ZNF14: variants seen among roughly 807,000 people sequenced by gnomAD.
ZNF14 encodes gonadotropin inducible transcription repressor-4.
A neutral mutation model predicts 11.3 loss-of-function variants in ZNF14; 9 were observed. The ratio of observed to expected loss-of-function variants is 0.80; its 90% CI spans 0.48 to 1.39. ZNF14 has a LOEUF of 1.39. Among genes scored for constraint, ZNF14 ranks in the 40% most tolerant of loss-of-function variants. The pLI is 0.00. For synonymous variants in ZNF14, 239 were observed against 245.7 expected (o/e 0.97, Z 0.25); for missense variants, 711 against 763.9 (o/e 0.93, Z 0.82).
In ZNF14 at chr19:19,712,543, A is replaced by T. The variant is rs2062364672; in HGVS notation, c.738T>A (p.Thr246=). ...GCTTACATTCATAGGGTTTCTCTCC[A>T]GTGTGAGTCCTTTTGTGTCTTTGAA... ...QSFQRHKRTH[T]GEKPYECKQC... Residue 246 remains threonine, a synonymous_variant, in exon 4 of 4, where the codon ACT becomes ACA. Transcript: ENST00000344099. 1 of 1,613,350 alleles carries T rather than the reference A, an allele frequency of 6.2e-7. No homozygotes were observed. Among genetic ancestry groups the T allele is most frequent in the African/African-American group, 1.3e-5 (1 of 74,876 alleles).
At chr19:19,715,727 T>C (rs1462220199) in intron 1 of ZNF14, among the ~76,000 whole-genome samples, 2 of 152,210 alleles carry the variant, frequency 1.3e-5, no homozygotes, top group East Asian at 3.9e-4. Flanking sequence ...TACAGAAAAA[T>C]AGGCAGTCAA....
At chr19:19,732,890 C>A in intron 1 of ZNF14, 66 bp downstream of exon 1, 1 of 1,599,444 alleles carries the variant, frequency 6.3e-7, no homozygotes, top group Non-Finnish European at 8.5e-7. Flanking sequence ...CAAGGAGGTC[C>A]CCGGCCTCGG....
intron 1 of ZNF14, among the ~76,000 whole-genome samples, chr19:19,725,230 C>T (rs894705237): frequency 7.5e-6 from 1 of 133,852 alleles, no homozygotes; most frequent in Non-Finnish European, 1.7e-5. Context: ...TTGTTCCCTT[C>T]CATGTTTAGT....
In ZNF14 at chr19:19,733,072, A is replaced by G; in HGVS notation, c.-114T>C. On this transcript the variant is annotated 5_prime_UTR_variant, in exon 1 of 4. Coordinates refer to ENST00000344099, the MANE Select transcript of ZNF14 (RefSeq NM_021030.3). The stretch of plus-strand genomic sequence containing the variant: ...CCTTCGGCCTTCAGGAGCAGGTGAA[A>G]CGCAATCTTCCCATGGGCCAGGAAT... The G allele has an allele frequency of 7.3e-7, 1 of 1,374,570 alleles. No homozygotes were observed. 85.1% of individuals were successfully genotyped at this position (1,374,570 alleles called of 1,614,324 possible).
rs61751038 is a variant in ZNF14 at position 19,712,444 on chromosome 19, G to A, written c.837C>T (p.Tyr279=). 2,535 of 1,558,706 alleles carry A rather than the reference G, an allele frequency of 1.6e-3. 29 individuals carry two copies. In the African/African-American group the frequency reaches 0.028, roughly 17 times the overall value. ...HERTHTGEKP[Y]KCKECGKAFS... ...AGGCTTTACCACATTCTTTACATTT[G>A]TAGGGTTTTTCTCCAGTGTGAGTTC... Residue 279 remains tyrosine (Y), a synonymous_variant, in exon 4 of 4, where the codon TAC becomes TAT. Transcript: ENST00000344099.
chr19:19,723,466 C>T (rs932834062), intron 1 of ZNF14, among the ~76,000 whole-genome samples: 16 of 152,284 alleles, frequency 1.1e-4, no homozygotes, highest in African/African-American at 3.9e-4. Flanking sequence ...TTTTGATGTG[C>T]TGCTGGATTC....
Position 19,712,742 on chromosome 19 carries a change from T to C in ZNF14, c.539A>G (p.Tyr180Cys), listed in dbSNP as rs2062365660. 4 of 1,612,406 alleles carry C rather than the reference T, an allele frequency of 2.5e-6. No homozygotes were observed. Among genetic ancestry groups the C allele is most frequent in the Admixed American group, 1.7e-5 (1 of 59,718 alleles). Residue 180 changes from tyrosine (Y) to cysteine (C), a missense_variant, in exon 4 of 4, where the codon TAT (tyrosine) becomes TGT (cysteine). Tyr to Cys is a radical substitution (Grantham distance 194, BLOSUM62 -2). Transcript: ENST00000344099. ...ECKQCGKAFI[Y>C]YQPFQRHERT... is the part of the protein sequence containing the mutation. ...TTCATGTCTTTGAAATGGCTGGTAA[T>C]ATATAAAGGCTTTCCCACACTGTTT...
Position 19,713,060 on chromosome 19 carries a change from C to G in ZNF14, c.221G>C (p.Ser74Thr), listed in dbSNP as rs943353555. The G allele has an allele frequency of 3.1e-6, 5 of 1,607,336 alleles. No homozygotes were observed. The highest frequency in any genetic ancestry group is 4.2e-6 in the Non-Finnish European group (5 of 1,176,478). The change falls in exon 4 of 4, where the codon AGT (serine) becomes ACT (threonine). Residue 74 changes from serine to threonine, a missense_variant. Transcript: ENST00000344099. ...TTCTCCACATTTGCTACCTCTTCTA[C>G]TTTCACAGAGTCTCTCAACCATATG... The part of the protein sequence containing the change: ...RCHMVERLCE[S>T]RRGSKCGETT...
chr19:19,722,748 T>C (rs1440590622), intron 1 of ZNF14, among the ~76,000 whole-genome samples: 6 of 152,226 alleles, frequency 3.9e-5, no homozygotes, highest in Non-Finnish European at 5.9e-5. Context: ...TTTTATTTCA[T>C]TGAGCAGTGG....
rs1288819003 is a variant in ZNF14 at position 19,713,746 on chromosome 19, GCC to G, written c.191+343_191+344del. ...TTACAGGCATGAGCCACTGTGCCAG[GCC>G]TTTTTTTTTTTTTTTCCCCAGATGA... On this transcript the variant is annotated intron_variant, in intron 3 of 3. Coordinates refer to ENST00000344099, the MANE Select transcript of ZNF14 (RefSeq NM_021030.3). Among the ~76,000 whole-genome samples the G allele has an allele frequency of 5.9e-4, 37 of 62,292 alleles. 1 individual carries two copies. In the East Asian group the frequency reaches 0.012, roughly 20 times the overall value. The allele number at this position is 62,292 out of a possible 152,430, so 40.9% of individuals were successfully genotyped here.
At chr19:19,721,478 G>T (rs2062393277) in intron 1 of ZNF14, among the ~76,000 whole-genome samples, 1 of 152,106 alleles carries the variant, frequency 6.6e-6, no homozygotes, top group Non-Finnish European at 1.5e-5. Context: ...ATTCTCACTA[G>T]ACCTAGATTT....
intron 1 of ZNF14, among the ~76,000 whole-genome samples, chr19:19,722,380 C>T (rs1048460746): frequency 7.2e-5 from 11 of 152,086 alleles, no homozygotes; most frequent in Admixed American, 6.6e-4. Context: ...AGATCAGGGT[C>T]GTAGATGTGT....
chr19:19,712,506 C>T lies in ZNF14; in HGVS notation c.775G>A (p.Ala259Thr), dbSNP rs376215769. ...KPYECKQCGKAFSCPTYFRTH... is the reference protein window; with the variant it reads ...KPYECKQCGKTFSCPTYFRTH... ...CGAAAGTATGTGGGACAACTGAAAG[C>T]CTTACCACATTGCTTACATTCATAG... Residue 259 changes from alanine (A) to threonine (T), a missense_variant, in exon 4 of 4, where the codon GCT (alanine) becomes ACT (threonine). Ala to Thr is a moderately conservative substitution (Grantham distance 58). Coordinates refer to ENST00000344099, the MANE Select transcript of ZNF14 (RefSeq NM_021030.3). 4 of 1,611,246 alleles carry T rather than the reference C, an allele frequency of 2.5e-6. No homozygotes were observed. The African/African-American group carries it at 5.4e-5, about 22-fold the overall frequency.
chr19:19,729,081 A>G (rs1334437317), intron 1 of ZNF14, among the ~76,000 whole-genome samples: 2 of 152,068 alleles, frequency 1.3e-5, no homozygotes, highest in Admixed American at 1.3e-4. Context: ...GGTTCAAGCG[A>G]TTCTCCTGCC....
intron 1 of ZNF14, among the ~76,000 whole-genome samples, chr19:19,716,391 C>T (rs936018732): frequency 9.2e-5 from 14 of 152,136 alleles, no homozygotes; most frequent in African/African-American, 3.4e-4. Context: ...CAGGTTCAAG[C>T]GATTCTTGTG....
intron 1 of ZNF14, among the ~76,000 whole-genome samples, chr19:19,716,449 C>A (rs546493525): frequency 5.9e-5 from 9 of 152,044 alleles, no homozygotes; most frequent in Non-Finnish European, 1.3e-4. Context: ...CCACCACACC[C>A]GTCTAATTTT....
At chr19:19,719,420 G>A (rs928006290) in intron 1 of ZNF14, among the ~76,000 whole-genome samples, 5 of 152,144 alleles carry the variant, frequency 3.3e-5, no homozygotes, top group Non-Finnish European at 7.3e-5. Flanking sequence ...TAAATGATAC[G>A]TATGGTAGCA....
chr19:19,719,719 AG>A (rs1192729225), intron 1 of ZNF14, among the ~76,000 whole-genome samples: 1 of 152,210 alleles, frequency 6.6e-6, no homozygotes, highest in Non-Finnish European at 1.5e-5. Context: ...AAACATAAAA[AG>A]AAAAAGGGAG....
Position 19,711,437 on chromosome 19 carries a change from T to A in ZNF14, c.1844A>T (p.Tyr615Phe). 1 of 1,609,726 alleles carries A rather than the reference T, an allele frequency of 6.2e-7. No individual in the cohort carries two copies. Among genetic ancestry groups the A allele is most frequent in the Non-Finnish European group, 8.5e-7 (1 of 1,178,514 alleles). ...HERSHTGEKP[Y>F]ECKQCGKAFI... The stretch of plus-strand genomic sequence containing the variant: ...GGCTTTTCCACATTGTTTGCATTCA[T>A]AAGGTTTCTCTCCAGTGTGAGACCT... The change falls in exon 4 of 4, where the codon TAT becomes TTT. Residue 615 changes from tyrosine (Y) to phenylalanine (F), a missense_variant. Transcript: ENST00000344099.
Sources: gnomAD v4.1 joint callset for allele counts (sites outside exome capture counted in the v4.1 genomes callset) on GRCh38, gnomAD v4.1.1 for gene constraint, MANE v1.5 for transcripts, NCBI Gene and HGNC (gene_info 2026-07-23, HGNC 2026-07-21) for gene names.